The following HIVEP3 variants were observed in gnomAD, a reference collection of about 807,000 sequenced individuals.
The protein encoded by HIVEP3 is transcription factor HIVEP3.
HIVEP3 carries 49 observed loss-of-function variants against 152.8 expected under a neutral mutation model. The ratio of observed to expected loss-of-function variants is 0.32; its 90% CI spans 0.26 to 0.41. The LOEUF (loss-of-function observed/expected upper bound fraction) is 0.41. Among genes scored for constraint, HIVEP3 ranks in the 10% least tolerant of loss-of-function variants. The pLI is 1.00. For synonymous variants in HIVEP3, 1,269 were observed against 1,289.0 expected, an observed-to-expected ratio of 0.98 and a Z score of 0.33; for missense variants, 2,790 against 3,103.3, an observed-to-expected ratio of 0.90 and a Z score of 2.40.
chr1:41,602,329 C>A (rs1644760289), intron 3 of HIVEP3, among the ~76,000 whole-genome samples: 1 of 152,060 alleles, frequency 6.6e-6, no homozygotes, highest in Non-Finnish European at 1.5e-5. Context: ...AATGTTAAAT[C>A]TTTAAAAAAT....
Position 41,583,193 on chromosome 1 carries a change from C to A in HIVEP3, c.1605G>T (p.Val535=). ...LQHPPSTAPP[V]PLLRSHSMPS... The stretch of plus-strand genomic sequence containing the variant: ...GCATTGAGTGGCTTCTCAGGAGAGG[C>A]ACAGGGGGGGCGGTACTGGGCGGGT... The change falls in exon 4 of 9, where the codon GTG becomes GTT. Residue 535 remains valine (V), a synonymous_variant. Coordinates refer to ENST00000372583, the MANE Select transcript of HIVEP3 (RefSeq NM_024503.5). The surrounding 1 kb of genome is among the most constrained non-coding windows in gnomAD (Gnocchi z 6.9). 1 of 1,607,898 alleles carries A rather than the reference C, an allele frequency of 6.2e-7. No homozygotes were observed.
At chr1:42,023,742 C>A (rs914499721) in intron 1 of HIVEP3, among the ~76,000 whole-genome samples, 17 of 152,176 alleles carry the variant, frequency 1.1e-4, no homozygotes, top group Admixed American at 5.9e-4. Context: ...GAGACCACTG[C>A]AGAAACTGAG....
chr1:41,681,268 A>T (rs1646034520), intron 2 of HIVEP3, among the ~76,000 whole-genome samples: 1 of 152,112 alleles, frequency 6.6e-6, no homozygotes, highest in South Asian at 2.1e-4. Context: ...TAATTTTTAT[A>T]TCTTCTGTAG....
chr1:41,842,334 A>G (rs1375419611), intron 1 of HIVEP3, among the ~76,000 whole-genome samples: 1 of 152,076 alleles, frequency 6.6e-6, no homozygotes, highest in African/African-American at 2.4e-5. Flanking sequence ...TGAATCCCCC[A>G]TTGGCACTAA....
chr1:41,610,510 T>C (rs371231528), intron 3 of HIVEP3, among the ~76,000 whole-genome samples: 1 of 152,196 alleles, frequency 6.6e-6, no homozygotes, highest in Non-Finnish European at 1.5e-5. Context: ...GGCATTCCCA[T>C]TGAGCCTCTT....
intron 1 of HIVEP3, among the ~76,000 whole-genome samples, chr1:41,728,734 T>A (rs1305040841): frequency 1.3e-5 from 2 of 152,210 alleles, no homozygotes; most frequent in East Asian, 1.9e-4. Flanking sequence ...AGGCTGCAGT[T>A]TGTCTCCAGA....
rs560446756 is a variant in HIVEP3, at chr1:41,653,508, C to A, written c.-720-24561G>T. Among the ~76,000 whole-genome samples, 77 of 152,282 alleles carry A rather than the reference C, an allele frequency of 5.1e-4. 1 individual carries two copies. The highest frequency in any genetic ancestry group is 8.5e-4 in the Non-Finnish European group (58 of 68,030). On this transcript the variant is annotated intron_variant, in intron 2 of 8. Transcript: ENST00000372583. ...TACACCCCATGGCACTTGTGGTCTA[C>A]AAACACACCATGGGAAAAGCTGGAC...
chr1:41,550,790 T>C (rs1458361066), intron 5 of HIVEP3, among the ~76,000 whole-genome samples: 1 of 152,108 alleles, frequency 6.6e-6, no homozygotes, highest in Non-Finnish European at 1.5e-5. Flanking sequence ...GATGATGGGG[T>C]TTTCTAAATA....
intron 5 of HIVEP3, chr1:41,543,064 A>G (rs1257706124): frequency 1.3e-5 from 2 of 152,232 alleles, no homozygotes; most frequent in Non-Finnish European, 2.9e-5. Context: ...GTGAGATGGT[A>G]GGCTGGACCA....
At chr1:41,812,350 T>C (rs1651011596) in intron 1 of HIVEP3, among the ~76,000 whole-genome samples, 1 of 152,094 alleles carries the variant, frequency 6.6e-6, no homozygotes, top group Non-Finnish European at 1.5e-5. Flanking sequence ...GGAGGGAGGA[T>C]CGCTTAGGGC....
chr1:41,679,475 T>A (rs1646006354), intron 2 of HIVEP3, among the ~76,000 whole-genome samples: 1 of 152,222 alleles, frequency 6.6e-6, no homozygotes, highest in Non-Finnish European at 1.5e-5. Flanking sequence ...ATACCTGCAA[T>A]GGAAGCTGCT....
chr1:41,987,963 C>T (rs1219898936), intron 1 of HIVEP3, among the ~76,000 whole-genome samples: 1 of 152,122 alleles, frequency 6.6e-6, no homozygotes, highest in African/African-American at 2.4e-5. Flanking sequence ...GGGGGAACCA[C>T]CCCCATGATC....
At chr1:41,704,583 A>G (rs1311607583) in intron 1 of HIVEP3, among the ~76,000 whole-genome samples, 1 of 152,212 alleles carries the variant, frequency 6.6e-6, no homozygotes. Context: ...TGTCCTGCTT[A>G]TGGGAAGGAG....
chr1:41,971,188 A>G (rs1645226629), intron 1 of HIVEP3, among the ~76,000 whole-genome samples: 1 of 152,200 alleles, frequency 6.6e-6, no homozygotes, highest in South Asian at 2.1e-4. Flanking sequence ...CCTCAGAGAA[A>G]TTTGAAATCG....
At chr1:41,913,184 T>C (rs1041765953) in intron 1 of HIVEP3, among the ~76,000 whole-genome samples, 11 of 152,244 alleles carry the variant, frequency 7.2e-5, no homozygotes, top group African/African-American at 1.7e-4. Context: ...TGAATAGTCA[T>C]AGGAACCTCT....
chr1:41,719,020 G>A (rs942632855), intron 1 of HIVEP3, among the ~76,000 whole-genome samples: 5 of 152,218 alleles, frequency 3.3e-5, no homozygotes, highest in African/African-American at 1.2e-4. Flanking sequence ...CCATGGCCAA[G>A]TGGGAGTAAC....
At chr1:41,921,916 A>G (rs1290125278), upstream of HIVEP3, among the ~76,000 whole-genome samples, 1 of 151,148 alleles carries the variant, frequency 6.6e-6, no homozygotes, top group East Asian at 1.9e-4. Flanking sequence ...AAGTGCGCAC[A>G]CACACACACC....
intron 3 of HIVEP3, among the ~76,000 whole-genome samples, chr1:41,595,555 A>G (rs1644653411): frequency 6.6e-6 from 1 of 152,154 alleles, no homozygotes; most frequent in African/African-American, 2.4e-5. Context: ...GTTGATGGTG[A>G]GATTTGCAAG....
intron 5 of HIVEP3, among the ~76,000 whole-genome samples, chr1:41,550,685 T>C (rs1424216375): frequency 6.6e-6 from 1 of 152,210 alleles, no homozygotes; most frequent in Non-Finnish European, 1.5e-5. Flanking sequence ...TTGTCTGTTA[T>C]TGGTGTATAG....
Sources: allele counts gnomAD v4.1 joint callset (sites outside exome capture counted in the v4.1 genomes callset), GRCh38; gene constraint gnomAD v4.1.1; non-coding constraint Gnocchi (gnomAD v3.1); transcripts MANE v1.5; gene names NCBI Gene and HGNC (gene_info 2026-07-23, HGNC 2026-07-21).